CELF2: variants seen among roughly 807,000 people sequenced by gnomAD.
CELF2 encodes CUGBP Elav-like family member 2.
Under a neutral mutation model 62.6 loss-of-function variants are expected in CELF2, and 8 were observed. That is an observed-to-expected ratio of 0.13 (90% CI 0.07 to 0.23). The LOEUF (loss-of-function observed/expected upper bound fraction) is 0.23. CELF2 is among the 10% of genes least tolerant of loss of function. The probability of loss-of-function intolerance (pLI) is 1.00; values close to 1 mark genes in which losing one functional copy is unlikely to be tolerated. For synonymous variants in CELF2, 258 were observed against 250.0 expected, an observed-to-expected ratio of 1.03 and a Z score of -0.30; for missense variants, 333 against 671.0, an observed-to-expected ratio of 0.50 and a Z score of 5.56.
chr10:11,017,218 C>G (rs891723165), upstream of CELF2, among the ~76,000 whole-genome samples: 7 of 152,196 alleles, frequency 4.6e-5, no homozygotes, highest in Admixed American at 6.5e-5. The surrounding 1 kb of genome is among the most constrained non-coding windows in gnomAD (Gnocchi z 5.5). Context: ...AGACCTAACA[C>G]TCGTGAATTC....
the CELF2 span, among the ~76,000 whole-genome samples, chr10:10,703,727 G>A: frequency 6.6e-6 from 1 of 152,078 alleles, no homozygotes; most frequent in Non-Finnish European, 1.5e-5. Flanking sequence ...TAAAAATTGA[G>A]GTACATTACA....
At position 11,324,761 on chromosome 10, in the gene CELF2, C is replaced by G. The variant is rs942567493; in HGVS notation, c.1295-1075C>G. 1.4e-4 allele frequency among the ~76,000 whole-genome samples: 22 copies of G among 152,228 alleles called. No individual in the cohort carries two copies. The highest frequency in any genetic ancestry group is 2.1e-4 in the Non-Finnish European group (14 of 68,050). Reference sequence around the variant, plus strand: ...CCATTTTACTTTTCTTCATGCCACACAGACACCCTTCCCACATCTAGGGAC... The same window carrying G: ...CCATTTTACTTTTCTTCATGCCACAGAGACACCCTTCCCACATCTAGGGAC... On this transcript the variant is annotated intron_variant, in intron 11 of 12. Transcript: ENST00000633077. The surrounding 1 kb of genome is among the most constrained non-coding windows in gnomAD (Gnocchi z 4.7).
rs1433550381 is a variant in CELF2 at position 11,321,744 on chromosome 10, T to C, written c.1294+358T>C. 6.6e-6 allele frequency among the ~76,000 whole-genome samples: 1 copy of C among 152,204 alleles called. No individual in the cohort carries two copies. Among genetic ancestry groups the C allele is most frequent in the Non-Finnish European group, 1.5e-5 (1 of 68,040 alleles). ...TATTTCAGTCTTTCTCACTTGGTCT[T>C]ATAGTTACCTTCTAATTTAATTTTT... On this transcript the variant is annotated intron_variant, in intron 11 of 12. Coordinates refer to ENST00000633077, the MANE Select transcript of CELF2 (RefSeq NM_001326342.2). The surrounding 1 kb of genome is among the most constrained non-coding windows in gnomAD (Gnocchi z 6.2).
At chr10:10,644,375 C>G in the CELF2 span, among the ~76,000 whole-genome samples, 1 of 150,060 alleles carries the variant, frequency 6.7e-6, no homozygotes, top group Non-Finnish European at 1.5e-5. Context: ...ATTTTAGATT[C>G]AATTAGGAAA....
At chr10:10,612,201 G>GA in the CELF2 span, among the ~76,000 whole-genome samples, 2 of 152,028 alleles carry the variant, frequency 1.3e-5, no homozygotes, top group African/African-American at 4.8e-5. Context: ...TCTCATTGAG[G>GA]AAAAAAAGAA....
chr10:10,797,560 C>T (rs901067108), upstream of CELF2, among the ~76,000 whole-genome samples: 2 of 152,028 alleles, frequency 1.3e-5, no homozygotes, highest in Non-Finnish European at 2.9e-5. Context: ...TAAAAATAAG[C>T]GTAAGAAAAA....
At chr10:10,527,357 A>C in the CELF2 span, among the ~76,000 whole-genome samples, 1 of 151,848 alleles carries the variant, frequency 6.6e-6, no homozygotes, top group East Asian at 1.9e-4. Flanking sequence ...AGGCAGGAGA[A>C]TCATGCTTGA....
intron 3 of CELF2, among the ~76,000 whole-genome samples, chr10:11,228,929 G>A (rs558119881): frequency 1.2e-4 from 19 of 152,246 alleles, no homozygotes; most frequent in South Asian, 4.1e-4. Context: ...GATTTCAGTC[G>A]GTTCTGGTTT....
At chr10:10,707,505 G>A in the CELF2 span, among the ~76,000 whole-genome samples, 1 of 152,122 alleles carries the variant, frequency 6.6e-6, no homozygotes, top group Non-Finnish European at 1.5e-5. Context: ...TAATCTAGAT[G>A]GCAAAACTAG....
chr10:10,739,814 G>T, the CELF2 span, among the ~76,000 whole-genome samples: 1 of 152,086 alleles, frequency 6.6e-6, no homozygotes, highest in African/African-American at 2.4e-5. Context: ...ATCTCATTGT[G>T]GTTTTCAGTT....
chr10:11,034,313 A>T (rs1203423200), intron 1 of CELF2, among the ~76,000 whole-genome samples: 2 of 152,134 alleles, frequency 1.3e-5, no homozygotes, highest in Non-Finnish European at 2.9e-5. Context: ...CTTATTCTGT[A>T]GATCAGGTGA....
chr10:10,772,757 T>C, the CELF2 span, among the ~76,000 whole-genome samples: 1 of 152,218 alleles, frequency 6.6e-6, no homozygotes, highest in African/African-American at 2.4e-5. Flanking sequence ...ATACAAATCC[T>C]TTATTTCCTA....
At chr10:11,172,781 T>C (rs1469740730) in intron 2 of CELF2, among the ~76,000 whole-genome samples, 2 of 152,250 alleles carry the variant, frequency 1.3e-5, no homozygotes, top group Non-Finnish European at 2.9e-5. Context: ...TTTAACCATT[T>C]TGTTTTCTTC....
rs1374966785 is a variant in CELF2 at position 11,329,529 on chromosome 10, T to TGCTTAGAG, written c.*478_*485dup. ...GCCCGCCCCCGGAGGGAGGGCCCGGTGCTTAGAGGTTAACTTGGTGGCCTA... is the reference window on the plus strand; with the variant it reads ...GCCCGCCCCCGGAGGGAGGGCCCGGTGCTTAGAGGCTTAGAGGTTAACTTGGTGGCCTA... On this transcript the variant is annotated 3_prime_UTR_variant, in exon 13 of 13. Transcript: ENST00000633077. This position sits in a 1 kb window ranked among gnomAD's most constrained non-coding sequence, Gnocchi z 5.5. 4 of 152,736 alleles carry TGCTTAGAG rather than the reference T, an allele frequency of 2.6e-5. No homozygotes were observed. The East Asian group carries it at 7.7e-4, about 29-fold the overall frequency. The allele number at this position is 152,736 out of a possible 1,614,324, so 9.5% of individuals were successfully genotyped here.
At chr10:11,322,899 C>G (rs2095518585) in intron 11 of CELF2, among the ~76,000 whole-genome samples, 1 of 151,970 alleles carries the variant, frequency 6.6e-6, no homozygotes, top group Non-Finnish European at 1.5e-5. Context: ...TCTCTGTGGT[C>G]TGAGTACCAT....
At position 11,194,811 on chromosome 10, in the gene CELF2, A is replaced by C. The variant is rs17149741; in HGVS notation, c.272-22614A>C. Among the ~76,000 whole-genome samples the C allele has an allele frequency of 9.6e-3, 1,464 of 152,324 alleles. 17 individuals carry two copies. Among genetic ancestry groups the C allele is most frequent in the African/African-American group, 0.033 (1,388 of 41,552 alleles). ...GTAGCACTTAACATTGTGAAGTTCA[A>C]CTCAATTTTTATTTGCTGTTTCACA... is the stretch of plus-strand genomic sequence containing the variant. On this transcript the variant is annotated intron_variant, in intron 2 of 12. Transcript: ENST00000633077.
chr10:11,234,746 G>A (rs952594905), intron 3 of CELF2, among the ~76,000 whole-genome samples: 3 of 151,776 alleles, frequency 2.0e-5, no homozygotes, highest in African/African-American at 7.3e-5. Flanking sequence ...GAGGAGGCAG[G>A]GAGATCTTGA....
intron 3 of CELF2, among the ~76,000 whole-genome samples, chr10:11,222,512 G>A (rs907484284): frequency 1.3e-5 from 2 of 152,120 alleles, no homozygotes; most frequent in Admixed American, 6.5e-5. Context: ...TTGAGTCCTC[G>A]AAGTCTTGTG....
the CELF2 span, among the ~76,000 whole-genome samples, chr10:10,769,146 G>A: frequency 2.6e-5 from 4 of 152,198 alleles, no homozygotes; most frequent in Non-Finnish European, 5.9e-5. Context: ...TATGAGCTTG[G>A]TATTGTGCTA....
Sources: allele counts gnomAD v4.1 joint callset (sites outside exome capture counted in the v4.1 genomes callset), GRCh38; gene constraint gnomAD v4.1.1; non-coding constraint Gnocchi (gnomAD v3.1); transcripts MANE v1.5; gene names NCBI Gene and HGNC (gene_info 2026-07-23, HGNC 2026-07-21).